Variants in LRRTM4 observed in about 807,000 individuals in gnomAD.
The protein encoded by LRRTM4 is leucine rich repeat transmembrane neuronal 4, also known as leucine-rich repeat transmembrane neuronal protein 4.
In LRRTM4, 25 loss-of-function variants were observed where a neutral mutation model predicts 47.6. The observed-to-expected ratio is 0.53, with a 90% CI of 0.38 to 0.73. The LOEUF (loss-of-function observed/expected upper bound fraction) is 0.73. Among genes scored for constraint, LRRTM4 ranks in the 30% least tolerant of loss-of-function variants. The pLI, the probability that LRRTM4 is intolerant of heterozygous loss-of-function variation, is 0.00. For missense variants in LRRTM4, 638 were observed against 713.4 expected (o/e 0.89, Z 1.20); for synonymous variants, 311 against 269.5 (o/e 1.15, Z -1.51).
intron 3 of LRRTM4, among the ~76,000 whole-genome samples, chr2:76,784,374 A>G (rs1037586574): frequency 5.3e-5 from 8 of 152,068 alleles, no homozygotes; most frequent in Admixed American, 1.3e-4. Context: ...CAAGATTGCT[A>G]TAAGAAAGGC....
intron 3 of LRRTM4, among the ~76,000 whole-genome samples, chr2:76,790,322 T>G (rs1246689616): frequency 6.6e-6 from 1 of 152,164 alleles, no homozygotes; most frequent in Non-Finnish European, 1.5e-5. Flanking sequence ...CTGAGGGATT[T>G]TTTTTTGCCT....
intron 3 of LRRTM4, among the ~76,000 whole-genome samples, chr2:77,440,307 A>C (rs1318018714): frequency 1.3e-5 from 2 of 152,006 alleles, no homozygotes; most frequent in Non-Finnish European, 2.9e-5. Flanking sequence ...CCAGCTACTC[A>C]GGAGGCTGAG....
intron 3 of LRRTM4, among the ~76,000 whole-genome samples, chr2:76,848,067 T>C (rs1671888740): frequency 6.6e-6 from 1 of 152,104 alleles, no homozygotes; most frequent in Non-Finnish European, 1.5e-5. Flanking sequence ...GAGCTCATTC[T>C]TCATTCTTTC....
At chr2:77,116,076 T>G (rs1671382199) in intron 3 of LRRTM4, among the ~76,000 whole-genome samples, 1 of 152,130 alleles carries the variant, frequency 6.6e-6, no homozygotes, top group Non-Finnish European at 1.5e-5. Context: ...CAAAATGGGT[T>G]TAGGCACTTG....
At chr2:77,046,072 G>A (rs1679225826) in intron 3 of LRRTM4, among the ~76,000 whole-genome samples, 1 of 151,920 alleles carries the variant, frequency 6.6e-6, no homozygotes, top group Non-Finnish European at 1.5e-5. Context: ...TTGTACGTTT[G>A]ATTCTTTTTA....
chr2:76,899,372 A>G (rs1230418521), intron 3 of LRRTM4, among the ~76,000 whole-genome samples: 2 of 150,834 alleles, frequency 1.3e-5, no homozygotes, highest in African/African-American at 4.9e-5. Flanking sequence ...TATAAACTAT[A>G]TTTTATAATA....
At position 77,412,032 on chromosome 2, in the gene LRRTM4, A is replaced by G. The variant is rs116686503; in HGVS notation, c.1551+106286T>C. Among the ~76,000 whole-genome samples, 745 of 152,182 alleles carry G rather than the reference A, an allele frequency of 4.9e-3. 1 individual carries two copies. The highest frequency in any genetic ancestry group is 0.017 in the African/African-American group (716 of 41,538). On this transcript the variant is annotated intron_variant, in intron 3 of 3. Transcript: ENST00000409884. ...CCATGCCTCAACCCCAGTCCCCCAT[A>G]AGTACAACTGTGGTCTTTACATGAG...
chr2:77,333,743 A>G (rs1055925680), intron 3 of LRRTM4, among the ~76,000 whole-genome samples: 8 of 152,196 alleles, frequency 5.3e-5, no homozygotes, highest in Non-Finnish European at 1.2e-4. Context: ...GAGCCCCCAC[A>G]CAGAGTTCCT....
intron 3 of LRRTM4, among the ~76,000 whole-genome samples, chr2:77,004,531 G>A (rs1677561782): frequency 6.6e-6 from 1 of 152,202 alleles, no homozygotes; most frequent in Non-Finnish European, 1.5e-5. Context: ...TCAGGCAGAA[G>A]TGTGCTACAG....
intron 3 of LRRTM4, among the ~76,000 whole-genome samples, chr2:77,309,726 GATA>G (rs1558681572): frequency 3.1e-5 from 4 of 130,654 alleles, no homozygotes; most frequent in Non-Finnish European, 6.7e-5. Flanking sequence ...TAGATAGATA[GATA>G]GATATAACAA....
chr2:77,139,471 C>T (rs1050852896), intron 3 of LRRTM4, among the ~76,000 whole-genome samples: 4 of 151,970 alleles, frequency 2.6e-5, no homozygotes, highest in African/African-American at 4.8e-5. Flanking sequence ...ATTGATGGGG[C>T]GTATCTCAAA....
At chr2:76,867,507 T>C (rs1672500698) in intron 3 of LRRTM4, among the ~76,000 whole-genome samples, 1 of 152,172 alleles carries the variant, frequency 6.6e-6, no homozygotes, top group African/African-American at 2.4e-5. Flanking sequence ...AGTGTGTGTG[T>C]TTTAATTTTT....
intron 3 of LRRTM4, among the ~76,000 whole-genome samples, chr2:77,101,824 T>C (rs1042267742): frequency 6.6e-6 from 1 of 152,188 alleles, no homozygotes; most frequent in Non-Finnish European, 1.5e-5. Flanking sequence ...GTTTGTACAT[T>C]AATATTTTCA....
At chr2:77,111,161 G>T (rs1241107760) in intron 3 of LRRTM4, among the ~76,000 whole-genome samples, 3 of 152,068 alleles carry the variant, frequency 2.0e-5, no homozygotes, top group Non-Finnish European at 4.4e-5. Context: ...CCAGGCTAGA[G>T]TGCAGTGGCA....
chr2:76,821,712 A>G (rs1671057511), intron 3 of LRRTM4, among the ~76,000 whole-genome samples: 1 of 151,790 alleles, frequency 6.6e-6, no homozygotes, highest in Admixed American at 6.6e-5. Flanking sequence ...AAAATAATGC[A>G]TTAATACACT....
intron 3 of LRRTM4, among the ~76,000 whole-genome samples, chr2:77,144,847 T>C (rs773022311): frequency 1.4e-4 from 21 of 152,024 alleles, no homozygotes; most frequent in Non-Finnish European, 2.4e-4. Context: ...AGAGCAAATA[T>C]ATTGACAGAA....
At chr2:77,227,513 C>A (rs1674848147) in intron 3 of LRRTM4, among the ~76,000 whole-genome samples, 1 of 151,892 alleles carries the variant, frequency 6.6e-6, no homozygotes, top group African/African-American at 2.4e-5. Flanking sequence ...GGCAATTAAT[C>A]AAGGAGTTTG....
intron 3 of LRRTM4, among the ~76,000 whole-genome samples, chr2:77,515,060 A>T (rs1679156293): frequency 6.6e-6 from 1 of 151,902 alleles, no homozygotes; most frequent in Admixed American, 6.6e-5. Context: ...TTCTGAGTAC[A>T]TACTGAGGAT....
intron 3 of LRRTM4, among the ~76,000 whole-genome samples, chr2:77,335,951 T>C (rs1295845998): frequency 2.0e-5 from 3 of 152,088 alleles, no homozygotes; most frequent in Admixed American, 1.3e-4. Context: ...ATAGCAACTG[T>C]ACACAATACA....
Sources: allele counts gnomAD v4.1 joint callset (sites outside exome capture counted in the v4.1 genomes callset), GRCh38; gene constraint gnomAD v4.1.1; transcripts MANE v1.5; gene names NCBI Gene and HGNC (gene_info 2026-07-23, HGNC 2026-07-21).